Variants in SYNPR observed in about 807,000 individuals in gnomAD.
SYNPR encodes synaptoporin.
In SYNPR, 23 loss-of-function variants were observed where a neutral mutation model predicts 32.9. That is an observed-to-expected ratio of 0.70 (90% CI 0.50 to 0.99). The LOEUF (loss-of-function observed/expected upper bound fraction) is 0.99. Ranked by LOEUF, SYNPR falls within the 50% of genes least tolerant of loss-of-function variation. The pLI, the probability that SYNPR is intolerant of heterozygous loss-of-function variation, is 0.00. For missense variants in SYNPR, 318 were observed against 349.3 expected, an observed-to-expected ratio of 0.91 and a Z score of 0.71; for synonymous variants, 146 against 135.9, an observed-to-expected ratio of 1.07 and a Z score of -0.52.
chr3:63,562,917 C>T (rs1353297456), intron 4 of SYNPR, among the ~76,000 whole-genome samples: 1 of 152,106 alleles, frequency 6.6e-6, no homozygotes, highest in East Asian at 1.9e-4. Flanking sequence ...TAATAATGTG[C>T]ACATCACATG....
intron 4 of SYNPR, among the ~76,000 whole-genome samples, chr3:63,566,934 T>C (rs545877689): frequency 6.6e-6 from 1 of 152,312 alleles, no homozygotes; most frequent in African/African-American, 2.4e-5. Context: ...TGGTGTTGAT[T>C]AAATCTCATT....
At chr3:63,290,629 G>C (rs906533790) in intron 2 of SYNPR, among the ~76,000 whole-genome samples, 1 of 151,984 alleles carries the variant, frequency 6.6e-6, no homozygotes, top group Non-Finnish European at 1.5e-5. Flanking sequence ...TCAGAAATAC[G>C]TTGTTGAAAC....
chr3:63,500,629 G>C (rs775591345), intron 3 of SYNPR, among the ~76,000 whole-genome samples: 1 of 152,182 alleles, frequency 6.6e-6, no homozygotes, highest in Non-Finnish European at 1.5e-5. Flanking sequence ...TTGGGAAAAT[G>C]CTGGCATTTT....
the SYNPR span, among the ~76,000 whole-genome samples, chr3:63,204,170 G>T: frequency 2.0e-5 from 3 of 152,066 alleles, no homozygotes; most frequent in African/African-American, 7.2e-5. Context: ...ATAACAAATT[G>T]CCACAAACCA....
chr3:63,281,241 T>C (rs2086627884), intron 2 of SYNPR, among the ~76,000 whole-genome samples: 1 of 152,196 alleles, frequency 6.6e-6, no homozygotes, highest in South Asian at 2.1e-4. Flanking sequence ...TCAGCAAAAA[T>C]TGTAAACCGG....
At chr3:63,272,685 T>C (rs1027074015) in intron 3 of SYNPR, among the ~76,000 whole-genome samples, 7 of 152,106 alleles carry the variant, frequency 4.6e-5, no homozygotes, top group African/African-American at 1.7e-4. Flanking sequence ...TGAAATGCCA[T>C]ACCTTCATTC....
intron 3 of SYNPR, among the ~76,000 whole-genome samples, chr3:63,483,233 T>C (rs1701081243): frequency 6.6e-6 from 1 of 152,202 alleles, no homozygotes; most frequent in Non-Finnish European, 1.5e-5. Context: ...CAAACCTGAA[T>C]GTCCATCAGC....
At chr3:63,519,502 C>T (rs923066657) in intron 3 of SYNPR, among the ~76,000 whole-genome samples, 9 of 152,196 alleles carry the variant, frequency 5.9e-5, no homozygotes, top group African/African-American at 9.6e-5. Flanking sequence ...AGCTGTGCTC[C>T]TTGTTGCCTC....
At chr3:63,257,732 T>A (rs1560170571) in intron 2 of SYNPR, among the ~76,000 whole-genome samples, 3 of 152,148 alleles carry the variant, frequency 2.0e-5, no homozygotes, top group Admixed American at 1.3e-4. Context: ...TAACCTTAAA[T>A]GTAAATGGGC....
chr3:63,308,712 G>A (rs545321778), intron 2 of SYNPR, among the ~76,000 whole-genome samples: 1 of 151,916 alleles, frequency 6.6e-6, no homozygotes, highest in African/African-American at 2.4e-5. Flanking sequence ...TACATAATGT[G>A]TCTTTTCTCC....
chr3:63,509,446 C>T (rs1701654336), intron 3 of SYNPR, among the ~76,000 whole-genome samples: 2 of 151,882 alleles, frequency 1.3e-5, no homozygotes, highest in Admixed American at 6.6e-5. Flanking sequence ...TCTAATATCT[C>T]TTAAAATAAG....
intron 2 of SYNPR, among the ~76,000 whole-genome samples, chr3:63,401,644 G>A (rs1407427405): frequency 2.6e-5 from 4 of 152,020 alleles, no homozygotes; most frequent in African/African-American, 9.7e-5. Flanking sequence ...AGCAGAAAAT[G>A]AACTATGGAA....
chr3:63,573,426 AGGCTGATT>A (rs1231642899), intron 4 of SYNPR, among the ~76,000 whole-genome samples: 2 of 152,150 alleles, frequency 1.3e-5, no homozygotes, highest in African/African-American at 4.8e-5. Context: ...GACCGTTAAG[AGGCTGATT>A]TTTGTACTCC....
chr3:63,363,911 G>T (rs2087695810), intron 2 of SYNPR, among the ~76,000 whole-genome samples: 1 of 152,094 alleles, frequency 6.6e-6, no homozygotes. Flanking sequence ...TTATAAAATT[G>T]TGCATGATAA....
chr3:63,592,330 T>C (rs1699849575), intron 4 of SYNPR, among the ~76,000 whole-genome samples: 1 of 152,166 alleles, frequency 6.6e-6, no homozygotes, highest in Non-Finnish European at 1.5e-5. Flanking sequence ...ATGATAATTT[T>C]ATAGCAGTAC....
chr3:63,607,292 A>G (rs1339975845), intron 4 of SYNPR, among the ~76,000 whole-genome samples: 1 of 152,206 alleles, frequency 6.6e-6, no homozygotes. Context: ...ATTTGAATAA[A>G]AGCATGAATG....
chr3:63,383,663 TAA>T (rs2088003814), intron 2 of SYNPR, among the ~76,000 whole-genome samples: 1 of 151,994 alleles, frequency 6.6e-6, no homozygotes, highest in Admixed American at 6.6e-5. Flanking sequence ...TAAATAAAAA[TAA>T]AAGAGGCCAG....
chr3:63,554,271 C>G (rs904800931), intron 3 of SYNPR, among the ~76,000 whole-genome samples: 6 of 152,148 alleles, frequency 3.9e-5, no homozygotes, highest in African/African-American at 1.4e-4. Context: ...CTTTTGGGGA[C>G]TTAGCCAAAA....
chr3:63,587,059 T>C (rs995286248), intron 4 of SYNPR, among the ~76,000 whole-genome samples: 1 of 152,060 alleles, frequency 6.6e-6, no homozygotes, highest in Non-Finnish European at 1.5e-5. Context: ...GTTGGAAAAG[T>C]TTGGGCCATA....
Sources: allele counts gnomAD v4.1 joint callset (sites outside exome capture counted in the v4.1 genomes callset), GRCh38; gene constraint gnomAD v4.1.1; transcripts MANE v1.5; gene names NCBI Gene and HGNC (gene_info 2026-07-23, HGNC 2026-07-21).